The following FHDC1 variants were observed in gnomAD, a reference collection of about 807,000 sequenced individuals.
FHDC1 encodes FH2 domain containing 1.
In FHDC1, 25 loss-of-function variants were observed where a neutral mutation model predicts 52.6. The observed-to-expected ratio is 0.48, with a 90% confidence interval of 0.35 to 0.66. The LOEUF (loss-of-function observed/expected upper bound fraction) is 0.66. FHDC1 is among the 30% of genes least tolerant of loss of function. The probability of loss-of-function intolerance (pLI) is 0.01; values close to 1 mark genes in which losing one functional copy is unlikely to be tolerated. For synonymous variants in FHDC1, 616 were observed against 581.5 expected (o/e 1.06, Z -0.85); for missense variants, 1,459 against 1,452.8 (o/e 1.00, Z -0.07).
chr4:152,913,622 C>G, the FHDC1 span, among the ~76,000 whole-genome samples: 1 of 152,168 alleles, frequency 6.6e-6, no homozygotes, highest in South Asian at 2.1e-4. Flanking sequence ...TCTTTTTTAA[C>G]CTTTCAGTTT....
At chr4:152,972,334 T>A (rs1184975516) in intron 10 of FHDC1, 43 bp from the exon 11 acceptor site, 1 of 1,550,360 alleles carries the variant, frequency 6.5e-7, no homozygotes, top group South Asian at 1.2e-5. Flanking sequence ...CCGCCTCAGC[T>A]GACAACGTTT....
chr4:152,974,429 G>A (rs1411283267), intron 11 of FHDC1, among the ~76,000 whole-genome samples: 1 of 152,072 alleles, frequency 6.6e-6, no homozygotes, highest in Non-Finnish European at 1.5e-5. Flanking sequence ...CAGGTCTACA[G>A]CACTCACCCC....
chr4:152,927,655 G>A, the FHDC1 span: 3 of 1,595,512 alleles, frequency 1.9e-6, no homozygotes, highest in Non-Finnish European at 2.6e-6. Context: ...AGGAGTATGA[G>A]GAACAGTTCA....
Position 152,962,825 on chromosome 4 carries a change from T to C in FHDC1, c.862T>C (p.Cys288Arg), listed in dbSNP as rs1740317871. Residue 288 changes from cysteine to arginine, a missense_variant, in exon 7 of 12, where the codon TGT becomes CGT. This residue lies in a region of FHDC1 where 513 missense variants were observed against 581.5 expected (regional missense o/e 0.88). Transcript: ENST00000511601. ...LRTAIKELMSCEELHSILHLV... is the reference protein window; with the variant it reads ...LRTAIKELMSREELHSILHLV... ...GTTCTTTTTGATAGAACTGATGTCA[T>C]GTGAAGAGCTACATTCAATATTACA... The C allele has an allele frequency of 2.5e-6, 4 of 1,614,080 alleles. No homozygotes were observed. The highest frequency in any genetic ancestry group is 3.4e-6 in the Non-Finnish European group (4 of 1,179,956).
At chr4:152,925,670 A>G in the FHDC1 span, among the ~76,000 whole-genome samples, 16 of 152,190 alleles carry the variant, frequency 1.1e-4, no homozygotes, top group African/African-American at 3.9e-4. Context: ...AAAGAGAATT[A>G]ATATGAGGCT....
At chr4:152,932,927 A>G (rs775535304), upstream of FHDC1, among the ~76,000 whole-genome samples, 3 of 152,262 alleles carry the variant, frequency 2.0e-5, no homozygotes, top group Admixed American at 2.0e-4. Flanking sequence ...CATAAGAATC[A>G]AAATAAACTG....
chr4:152,947,560 C>T (rs933978606), intron 2 of FHDC1, among the ~76,000 whole-genome samples: 4 of 152,140 alleles, frequency 2.6e-5, no homozygotes, highest in South Asian at 2.1e-4. Flanking sequence ...TTGACCAGCT[C>T]TTAAGGGGAG....
chr4:152,947,609 A>C (rs1305998026), intron 2 of FHDC1, among the ~76,000 whole-genome samples: 1 of 152,254 alleles, frequency 6.6e-6, no homozygotes, highest in African/African-American at 2.4e-5. Flanking sequence ...TAAAGGAAAC[A>C]AAAGGTTACT....
the FHDC1 span, among the ~76,000 whole-genome samples, chr4:152,926,305 A>C: frequency 3.4e-4 from 38 of 113,038 alleles, no homozygotes; most frequent in African/African-American, 1.2e-3. Context: ...CACACACACA[A>C]ACAATACACA....
intron 2 of FHDC1, among the ~76,000 whole-genome samples, chr4:152,950,954 A>G (rs1739907541): frequency 2.0e-5 from 3 of 152,234 alleles, no homozygotes; most frequent in South Asian, 4.1e-4. Context: ...TTACCTGTCC[A>G]GTAGAGATCA....
At position 152,975,851 on chromosome 4, in the gene FHDC1, A is replaced by G. The variant is rs768273256; in HGVS notation, c.2560A>G (p.Thr854Ala). 2.6e-6 allele frequency: 4 copies of G among 1,514,550 alleles called. No homozygotes were observed. The highest frequency in any genetic ancestry group is 3.5e-6 in the Non-Finnish European group (4 of 1,132,716). 93.8% of individuals were successfully genotyped at this position (1,514,550 alleles called of 1,614,324 possible). The change falls in exon 12 of 12, where the codon ACC (threonine) becomes GCC (alanine). Residue 854 changes from threonine to alanine, a missense_variant. Transcript: ENST00000511601. ...GGGCGGCCTGCCCAGGGACAAACCC[A>G]CCAAAAGGAAAGATGTTGTAGCACC... ...CKGGLPRDKP[T>A]KRKDVVAPKR... is the part of the protein sequence containing the mutation.
chr4:152,937,433 GGCGTGGCGTGGGGA>G (rs1448420079), intron 1 of FHDC1, among the ~76,000 whole-genome samples: 2 of 152,208 alleles, frequency 1.3e-5, no homozygotes, highest in South Asian at 2.1e-4. Context: ...CGCCCTGGGG[GGCGTGGCGTGGGGA>G]GCGTGGGCTT....
Position 152,976,153 on chromosome 4 carries a change from G to T in FHDC1, c.2862G>T (p.Glu954Asp). The T allele has an allele frequency of 2.5e-6, 4 of 1,612,066 alleles. No individual in the cohort carries two copies. The highest frequency in any genetic ancestry group is 3.4e-6 in the Non-Finnish European group (4 of 1,179,506). Reference sequence around the variant, plus strand: ...GGAGGGCCTCCACAGGCGCCGAAGAGCAGAGGCTGCCGCGGGGGAGCAGCG... The same window carrying T: ...GGAGGGCCTCCACAGGCGCCGAAGATCAGAGGCTGCCGCGGGGGAGCAGCG... ...SVRRASTGAE[E>D]QRLPRGSSGS... is the part of the protein sequence containing the mutation. Residue 954 changes from glutamate (E) to aspartate (D), a missense_variant, in exon 12 of 12, where the codon GAG becomes GAT. Around this residue, in one of 3 missense-constraint regions of FHDC1, gnomAD observed 939 missense variants for 854.5 expected, o/e 1.10. Transcript: ENST00000511601.
chr4:152,951,758 A>G (rs1739933495), intron 2 of FHDC1, among the ~76,000 whole-genome samples: 1 of 152,220 alleles, frequency 6.6e-6, no homozygotes, highest in Non-Finnish European at 1.5e-5. Context: ...CCGTTACCAA[A>G]AAACAAACGG....
rs776206141 is a variant in FHDC1 at position 152,972,416 on chromosome 4, C to T, written c.1258C>T (p.Gln420Ter). The T allele has an allele frequency of 1.2e-6, 2 of 1,605,798 alleles. No individual in the cohort carries two copies. The highest frequency in any genetic ancestry group is 4.5e-5 in the East Asian group (2 of 44,794). The change falls in exon 11 of 12, where the codon CAA (glutamine) becomes TAA (stop). Residue 420 changes from glutamine (Q) to a stop codon, truncating the protein, a stop_gained. Coordinates refer to ENST00000511601, the MANE Select transcript of FHDC1 (RefSeq NM_001371116.1). LOFTEE classifies it high-confidence loss of function. ...GCTGAGGGAACTGGAATGCTGGAAA[C>T]AAGAGCTCCAGGATGAGGCCTACAC... The part of the protein sequence containing the change: ...EKLRELECWK[Q>*]ELQDEAYTLI...
At chr4:152,957,918 A>AC (rs137953568) in intron 4 of FHDC1, among the ~76,000 whole-genome samples, 5,983 of 151,540 alleles carry the variant, frequency 0.039, 399 homozygotes, top group African/African-American at 0.14. Flanking sequence ...AAGCCAGGGA[A>AC]CACCCCCACC....
At chr4:152,933,312 AAGAATAAATTGTCTTCT>A (rs1230036172), upstream of FHDC1, among the ~76,000 whole-genome samples, 1 of 152,204 alleles carries the variant, frequency 6.6e-6, no homozygotes, top group Non-Finnish European at 1.5e-5. Flanking sequence ...TTAATAGATG[AAGAATAAATTGTCTTCT>A]AGATTTTGCA....
chr4:152,954,429 G>A (rs967946139), intron 4 of FHDC1, 110 bp downstream of exon 4: 2 of 782,136 alleles, frequency 2.6e-6, no homozygotes, highest in Non-Finnish European at 4.2e-6. Flanking sequence ...GCTCACACCT[G>A]TAATCCCAGC....
intron 2 of FHDC1, among the ~76,000 whole-genome samples, chr4:152,945,358 A>C (rs1418662725): frequency 1.3e-5 from 2 of 152,234 alleles, no homozygotes. Context: ...CACTTTTGTC[A>C]TTAACTTATT....
Sources: gnomAD v4.1 joint callset for allele counts (sites outside exome capture counted in the v4.1 genomes callset) on GRCh38, gnomAD v4.1.1 for gene constraint, gnomAD v4.1.1 regional missense constraint, MANE v1.5 for transcripts, NCBI Gene and HGNC (gene_info 2026-07-23, HGNC 2026-07-21) for gene names.